KCNIP4: variants seen among roughly 807,000 people sequenced by gnomAD.
KCNIP4 encodes potassium voltage-gated channel interacting protein 4.
A neutral mutation model predicts 34.0 loss-of-function variants in KCNIP4; 12 were observed. The ratio of observed to expected loss-of-function variants is 0.35; its 90% CI spans 0.23 to 0.57. The LOEUF is 0.57. KCNIP4 is among the 20% of genes least tolerant of loss of function. KCNIP4 has a pLI of 0.83. For synonymous variants in KCNIP4, 124 were observed against 102.2 expected (o/e 1.21, Z -1.29); for missense variants, 238 against 311.7 (o/e 0.76, Z 1.78).
intron 1 of KCNIP4, among the ~76,000 whole-genome samples, chr4:21,800,636 G>A (rs1167476054): frequency 1.3e-5 from 2 of 152,100 alleles, no homozygotes; most frequent in African/African-American, 2.4e-5. Flanking sequence ...TCGATGAATG[G>A]TTTCTACTTT....
chr4:21,451,657 T>G lies in KCNIP4; in HGVS notation c.61+496914A>C, dbSNP rs1488720425. Among the ~76,000 whole-genome samples, 4 of 152,284 alleles carry G rather than the reference T, an allele frequency of 2.6e-5. No individual in the cohort carries two copies. The East Asian group carries it at 7.7e-4, about 29-fold the overall frequency. On this transcript the variant is annotated intron_variant, in intron 1 of 8. Coordinates refer to ENST00000382152, the MANE Select transcript of KCNIP4 (RefSeq NM_025221.6). ...AATTGATTTTGTCCATAATAACAGA[T>G]GAAAGCTTCCTTAATGAAGTTGCAT...
chr4:21,158,622 GAAC>G (rs1428220101), intron 1 of KCNIP4, among the ~76,000 whole-genome samples: 1 of 152,048 alleles, frequency 6.6e-6, no homozygotes, highest in Non-Finnish European at 1.5e-5. Flanking sequence ...AGCAAATCAA[GAAC>G]AAAAGGAAAC....
chr4:21,868,005 AG>A (rs1313253299), intron 1 of KCNIP4, among the ~76,000 whole-genome samples: 5 of 152,224 alleles, frequency 3.3e-5, no homozygotes, highest in African/African-American at 1.2e-4. Context: ...AACAAAAAAA[AG>A]AATGAGAATT....
chr4:21,134,671 C>G (rs942746078), intron 1 of KCNIP4, among the ~76,000 whole-genome samples: 1 of 152,172 alleles, frequency 6.6e-6, no homozygotes, highest in South Asian at 2.1e-4. Flanking sequence ...TCCTTCTCTG[C>G]TCTTCCCCAA....
intron 1 of KCNIP4, among the ~76,000 whole-genome samples, chr4:21,178,398 C>T (rs1277230574): frequency 6.6e-6 from 1 of 152,102 alleles, no homozygotes; most frequent in African/African-American, 2.4e-5. Context: ...TTGAAGATGG[C>T]GCTTCCAGGT....
chr4:21,672,717 G>A (rs1320711249), intron 1 of KCNIP4, among the ~76,000 whole-genome samples: 1 of 152,186 alleles, frequency 6.6e-6, no homozygotes, highest in African/African-American at 2.4e-5. Flanking sequence ...TACCCTCAAA[G>A]TTGGCATATT....
At chr4:21,441,403 A>G (rs972763479) in intron 1 of KCNIP4, among the ~76,000 whole-genome samples, 2 of 151,878 alleles carry the variant, frequency 1.3e-5, no homozygotes, top group African/African-American at 2.4e-5. Context: ...TCGGCCTCCC[A>G]AAGTGCTGGG....
chr4:20,963,706 C>T (rs1303668613), intron 1 of KCNIP4, among the ~76,000 whole-genome samples: 1 of 151,888 alleles, frequency 6.6e-6, no homozygotes, highest in Non-Finnish European at 1.5e-5. Context: ...TAAGAGGGCA[C>T]TAGACATGAT....
At chr4:21,021,551 A>T (rs988626156) in intron 1 of KCNIP4, among the ~76,000 whole-genome samples, 3 of 152,066 alleles carry the variant, frequency 2.0e-5, no homozygotes, top group Admixed American at 6.6e-5. Context: ...ATTCTATAAA[A>T]TTTTTTCTAT....
chr4:21,697,748 C>T, intron 1 of KCNIP4: 1 of 982,210 alleles, frequency 1.0e-6, no homozygotes, highest in South Asian at 3.6e-5. Flanking sequence ...TCTGGTTCGG[C>T]TCGGCATCCC....
chr4:21,074,972 C>A (rs368783903), intron 1 of KCNIP4, among the ~76,000 whole-genome samples: 1 of 152,204 alleles, frequency 6.6e-6, no homozygotes, highest in Non-Finnish European at 1.5e-5. Context: ...TAATCCTGAG[C>A]TCTAGTTTGA....
At position 21,519,373 on chromosome 4, in the gene KCNIP4, C is replaced by T. The variant is rs1187328282; in HGVS notation, c.61+429198G>A. Among the ~76,000 whole-genome samples, 243 of 102,270 alleles carry T rather than the reference C, an allele frequency of 2.4e-3. 1 individual carries two copies. The highest frequency in any genetic ancestry group is 6.3e-3 in the African/African-American group (196 of 30,952). The allele number at this position is 102,270 out of a possible 152,430, so 67.1% of individuals were successfully genotyped here. On this transcript the variant is annotated intron_variant, in intron 1 of 8. Transcript: ENST00000382152. Reference sequence around the variant, plus strand: ...ACACACACACACACACACACACACACGTATATGTATGTGTATATATACATA... The same window carrying T: ...ACACACACACACACACACACACACATGTATATGTATGTGTATATATACATA...
chr4:21,556,943 A>AAAAAAACAAAAAAAAAAAAC, intron 1 of KCNIP4, among the ~76,000 whole-genome samples: 1 of 142,436 alleles, frequency 7.0e-6, no homozygotes, highest in South Asian at 2.2e-4. Context: ...AAAAAAAAAA[A>AAAAAAACAAAAAAAAAAAAC]CCAGAAAACA....
chr4:21,056,456 G>C (rs752522640), intron 1 of KCNIP4, among the ~76,000 whole-genome samples: 22 of 152,086 alleles, frequency 1.4e-4, no homozygotes, highest in Non-Finnish European at 2.6e-4. Flanking sequence ...AAATTGTCAC[G>C]TATTTGTCCA....
intron 1 of KCNIP4, among the ~76,000 whole-genome samples, chr4:21,460,390 C>A (rs141882688): frequency 4.3e-4 from 66 of 152,186 alleles, no homozygotes; most frequent in Non-Finnish European, 8.1e-4. Context: ...ATTGCACTTA[C>A]CACTGCCTAC....
intron 1 of KCNIP4, among the ~76,000 whole-genome samples, chr4:21,519,826 CGTGTGTGTAT>C (rs1045669264): frequency 1.5e-5 from 2 of 137,276 alleles, no homozygotes; most frequent in African/African-American, 5.4e-5. Flanking sequence ...TGTATACACA[CGTGTGTGTAT>C]GTGTGTGTAT....
chr4:20,777,663 A>C (rs2149387461), intron 3 of KCNIP4, among the ~76,000 whole-genome samples: 1 of 152,254 alleles, frequency 6.6e-6, no homozygotes, highest in African/African-American at 2.4e-5. Flanking sequence ...TAAGCCACCC[A>C]GTTTATGGTA....
chr4:21,907,875 CA>C (rs2108977293), intron 1 of KCNIP4, among the ~76,000 whole-genome samples: 1 of 152,052 alleles, frequency 6.6e-6, no homozygotes, highest in African/African-American at 2.4e-5. Flanking sequence ...GAAAAAATAC[CA>C]AAAATAATAA....
intron 3 of KCNIP4, among the ~76,000 whole-genome samples, chr4:20,783,836 T>C (rs1403924377): frequency 6.6e-6 from 1 of 152,194 alleles, no homozygotes; most frequent in Non-Finnish European, 1.5e-5. Flanking sequence ...TATCTAGTAA[T>C]TAAGAGTGAG....
Sources: gnomAD v4.1 joint callset for allele counts (sites outside exome capture counted in the v4.1 genomes callset) on GRCh38, gnomAD v4.1.1 for gene constraint, MANE v1.5 for transcripts, NCBI Gene and HGNC (gene_info 2026-07-23, HGNC 2026-07-21) for gene names.